KHDRBS2: variants seen among roughly 807,000 people sequenced by gnomAD.
The protein encoded by KHDRBS2 is KH domain-containing, RNA-binding, signal transduction-associated protein 2.
KHDRBS2 carries 26 observed loss-of-function variants against 44.3 expected under a neutral mutation model. The observed-to-expected ratio is 0.59, with a 90% CI of 0.43 to 0.81. KHDRBS2 has a LOEUF of 0.81. KHDRBS2 is among the 40% of genes least tolerant of loss of function. The probability of loss-of-function intolerance (pLI) is 0.00; values close to 1 mark genes in which losing one functional copy is unlikely to be tolerated. For missense variants in KHDRBS2, 476 were observed against 433.1 expected, an observed-to-expected ratio of 1.10 and a Z score of -0.88; for synonymous variants, 194 against 151.1, an observed-to-expected ratio of 1.28 and a Z score of -2.08.
intron 4 of KHDRBS2, among the ~76,000 whole-genome samples, chr6:61,912,006 C>T (rs1203831076): frequency 6.6e-6 from 1 of 151,832 alleles, no homozygotes; most frequent in African/African-American, 2.4e-5. Context: ...CATAAAGCAA[C>T]AACAATTGTC....
intron 3 of KHDRBS2, among the ~76,000 whole-genome samples, chr6:61,995,549 T>G (rs1777013108): frequency 6.6e-6 from 1 of 152,184 alleles, no homozygotes; most frequent in South Asian, 2.1e-4. Flanking sequence ...ACACTGTTTT[T>G]GTCCAATAAT....
intron 3 of KHDRBS2, among the ~76,000 whole-genome samples, chr6:62,021,887 T>G (rs1389320622): frequency 6.6e-6 from 1 of 150,998 alleles, no homozygotes; most frequent in Admixed American, 6.6e-5. Flanking sequence ...TTAAAGAGAC[T>G]ACGGGTAAAT....
At chr6:61,869,520 T>G (rs966054185) in intron 6 of KHDRBS2, among the ~76,000 whole-genome samples, 3 of 151,810 alleles carry the variant, frequency 2.0e-5, no homozygotes, top group African/African-American at 7.3e-5. Flanking sequence ...CCAAAGAAGG[T>G]TTGCAAGCAA....
intron 1 of KHDRBS2, among the ~76,000 whole-genome samples, chr6:62,240,717 T>TATAA (rs1834526883): frequency 2.5e-5 from 3 of 119,610 alleles, no homozygotes; most frequent in African/African-American, 9.0e-5. Context: ...TATATATATA[T>TATAA]AAACATGAGT....
At chr6:61,972,723 C>T (rs1358594376) in intron 4 of KHDRBS2, among the ~76,000 whole-genome samples, 3 of 152,162 alleles carry the variant, frequency 2.0e-5, no homozygotes, top group African/African-American at 4.8e-5. Context: ...AAATGTTGAA[C>T]TCCTGCCGTC....
intron 6 of KHDRBS2, among the ~76,000 whole-genome samples, chr6:61,798,037 CAGCCTGGATATCTATTGTT>C (rs1418546478): frequency 6.6e-6 from 1 of 151,996 alleles, no homozygotes; most frequent in Admixed American, 6.6e-5. Context: ...CCTCTCAAGT[CAGCCTGGATATCTATTGTT>C]ACCATCTTTG....
chr6:61,986,267 G>A (rs190086452), intron 3 of KHDRBS2, among the ~76,000 whole-genome samples: 1 of 152,324 alleles, frequency 6.6e-6, no homozygotes, highest in East Asian at 1.9e-4. Flanking sequence ...GAGAAGCTAA[G>A]TAACTTGGTT....
chr6:61,640,835 C>T, the KHDRBS2 span, among the ~76,000 whole-genome samples: 7 of 152,092 alleles, frequency 4.6e-5, no homozygotes, highest in Non-Finnish European at 1.0e-4. Context: ...GGCCAAGTAG[C>T]AAACAGTAAA....
At chr6:61,853,823 C>T (rs1347452039) in intron 6 of KHDRBS2, among the ~76,000 whole-genome samples, 2 of 152,218 alleles carry the variant, frequency 1.3e-5, no homozygotes, top group Admixed American at 1.3e-4. Flanking sequence ...CTCTATCCTG[C>T]ATGACTTTGA....
the KHDRBS2 span, among the ~76,000 whole-genome samples, chr6:61,633,113 AG>A: frequency 6.6e-6 from 1 of 152,094 alleles, no homozygotes; most frequent in Admixed American, 6.6e-5. Context: ...AATGCACCAC[AG>A]GTAATTTAGT....
chr6:61,580,147 G>T, the KHDRBS2 span, among the ~76,000 whole-genome samples: 1 of 152,170 alleles, frequency 6.6e-6, no homozygotes, highest in African/African-American at 2.4e-5. Context: ...ACTTTTCTTA[G>T]CTATGATTGA....
At chr6:61,901,009 T>C (rs1803903350) in intron 5 of KHDRBS2, among the ~76,000 whole-genome samples, 1 of 151,606 alleles carries the variant, frequency 6.6e-6, no homozygotes, top group Non-Finnish European at 1.5e-5. Context: ...TACACCTTTC[T>C]CTACTTCAAT....
At chr6:61,612,635 G>T in the KHDRBS2 span, among the ~76,000 whole-genome samples, 1 of 152,094 alleles carries the variant, frequency 6.6e-6, no homozygotes, top group Non-Finnish European at 1.5e-5. Flanking sequence ...CAACTATTTT[G>T]TCCCAGACAC....
chr6:62,047,907 C>T lies in KHDRBS2; in HGVS notation c.307G>A (p.Gly103Ser). ...EETGAKMSIL[G>S]KGSMRDKAKE... ...GCTTTATCTCTCATTGATCCTTTGCCCAGGATAGACATTTTAGCACCTGTT... is the reference window on the plus strand; with the variant it reads ...GCTTTATCTCTCATTGATCCTTTGCTCAGGATAGACATTTTAGCACCTGTT... Residue 103 changes from glycine (G) to serine (S), a missense_variant, in exon 3 of 9, where the codon GGC becomes AGC. Gly to Ser is a moderately conservative substitution (Grantham distance 56). Transcript: ENST00000281156. 1 of 1,609,996 alleles carries T rather than the reference C, an allele frequency of 6.2e-7. No homozygotes were observed. Among genetic ancestry groups the T allele is most frequent in the Non-Finnish European group, 8.5e-7 (1 of 1,176,822 alleles).
the KHDRBS2 span, among the ~76,000 whole-genome samples, chr6:61,667,633 A>G: frequency 6.6e-6 from 1 of 151,298 alleles, no homozygotes; most frequent in African/African-American, 2.4e-5. Context: ...CTTTAAACCA[A>G]GATACTGCAG....
At chr6:61,614,880 T>C in the KHDRBS2 span, among the ~76,000 whole-genome samples, 1 of 152,130 alleles carries the variant, frequency 6.6e-6, no homozygotes, top group Admixed American at 6.6e-5. Context: ...AGTTTTTTGA[T>C]CTTCAAATAG....
At chr6:61,769,431 A>G (rs1562129659) in intron 6 of KHDRBS2, among the ~76,000 whole-genome samples, 1 of 152,170 alleles carries the variant, frequency 6.6e-6, no homozygotes. Flanking sequence ...GCAGTGACAG[A>G]TGGCACCTGG....
Position 61,850,865 on chromosome 6 carries a change from C to T in KHDRBS2, c.810+43770G>A, listed in dbSNP as rs147233396. ...GGCCTTTAGAACCTCAATCATTCTC[C>T]CAAATAATTGCTGTCACAAGTCACT... On this transcript the variant is annotated intron_variant, in intron 6 of 8. Transcript: ENST00000281156. 6.5e-3 allele frequency among the ~76,000 whole-genome samples: 989 copies of T among 152,210 alleles called. 5 individuals carry two copies. The highest frequency in any genetic ancestry group is 0.014 in the Middle Eastern group (4 of 294).
chr6:61,781,728 C>T (rs1026091838), intron 6 of KHDRBS2, among the ~76,000 whole-genome samples: 3 of 152,084 alleles, frequency 2.0e-5, no homozygotes, highest in African/African-American at 7.2e-5. Flanking sequence ...TAACCATTAA[C>T]TAATTTTTCA....
Sources: allele counts gnomAD v4.1 joint callset (sites outside exome capture counted in the v4.1 genomes callset), GRCh38; gene constraint gnomAD v4.1.1; transcripts MANE v1.5; gene names NCBI Gene and HGNC (gene_info 2026-07-23, HGNC 2026-07-21).